The following SLC27A2 variants were observed in gnomAD, a reference collection of about 807,000 sequenced individuals.
The protein encoded by SLC27A2 is solute carrier family 27 member 2, also known as long-chain fatty acid transport protein 2.
In SLC27A2, 54 loss-of-function variants were observed where a neutral mutation model predicts 60.0. That is an observed-to-expected ratio of 0.90 (90% CI 0.72 to 1.13). The LOEUF (loss-of-function observed/expected upper bound fraction) is 1.13. SLC27A2 is among the 50% of genes most tolerant of loss of function. The pLI, the probability that SLC27A2 is intolerant of heterozygous loss-of-function variation, is 0.00. For missense variants in SLC27A2, 739 were observed against 777.6 expected (o/e 0.95, Z 0.59); for synonymous variants, 297 against 297.6 (o/e 1.00, Z 0.02).
chr15:50,191,961 G>A (rs1283417185), intron 1 of SLC27A2, among the ~76,000 whole-genome samples: 2 of 151,916 alleles, frequency 1.3e-5, no homozygotes, highest in African/African-American at 4.8e-5. Flanking sequence ...TCGGGAGGCT[G>A]AGGCAGGAGA....
At chr15:50,198,031 A>G (rs1204886348) in intron 2 of SLC27A2, among the ~76,000 whole-genome samples, 2 of 152,112 alleles carry the variant, frequency 1.3e-5, no homozygotes, top group African/African-American at 4.8e-5. Flanking sequence ...TATTTTGATT[A>G]TATTACATCC....
rs531026687 is a variant in SLC27A2, at chr15:50,185,621, C to CTTT, written c.478+2740_478+2742dup. On this transcript the variant is annotated intron_variant, in intron 1 of 9. Transcript: ENST00000267842. ...GCCCAAGAATCACCTAGGAAGCTTA[C>CTTT]TTTTTTTTTTTTTTTTTTTTTTTTT... is the stretch of plus-strand genomic sequence containing the variant. Among the ~76,000 whole-genome samples, 20 of 95,768 alleles carry CTTT rather than the reference C, an allele frequency of 2.1e-4. 2 individuals carry two copies. Among genetic ancestry groups the CTTT allele is most frequent in the African/African-American group, 6.6e-4 (14 of 21,152 alleles). The allele number at this position is 95,768 out of a possible 152,430, so 62.8% of individuals were successfully genotyped here. A position where few individuals can be genotyped will look rare whatever the true frequency, so the allele number is the denominator to read the frequency against.
intron 7 of SLC27A2, among the ~76,000 whole-genome samples, chr15:50,228,011 T>G (rs1002891478): frequency 1.3e-5 from 2 of 152,202 alleles, no homozygotes; most frequent in Non-Finnish European, 2.9e-5. Context: ...ATCTCTACTA[T>G]TCCATGTCTT....
rs142322071 is a variant in SLC27A2 at position 50,232,798 on chromosome 15, A to G, written c.1556-1070A>G. ...TGGTGCCACTGCCTCTCTCCCTCAGACAAGAAGCAAACCAAATGAGGGGGC... is the reference window on the plus strand; with the variant it reads ...TGGTGCCACTGCCTCTCTCCCTCAGGCAAGAAGCAAACCAAATGAGGGGGC... On this transcript the variant is annotated intron_variant, in intron 8 of 9. Transcript: ENST00000267842. 9.3e-3 allele frequency among the ~76,000 whole-genome samples: 1,421 copies of G among 152,312 alleles called. 25 individuals are homozygous for G. The highest frequency in any genetic ancestry group is 0.033 in the African/African-American group (1,379 of 41,560).
At chr15:50,234,645 T>C (rs912479488) in intron 9 of SLC27A2, among the ~76,000 whole-genome samples, 19 of 150,240 alleles carry the variant, frequency 1.3e-4, no homozygotes, top group Non-Finnish European at 1.9e-4. Context: ...TGTAGTCTCA[T>C]CTACGTGGGA....
intron 1 of SLC27A2, among the ~76,000 whole-genome samples, chr15:50,193,895 A>C (rs1309938719): frequency 6.6e-6 from 1 of 152,180 alleles, no homozygotes; most frequent in African/African-American, 2.4e-5. Context: ...ATGGTGGCTC[A>C]CACCTGTAAT....
chr15:50,226,124 G>T, intron 6 of SLC27A2, 46 bp downstream of exon 6: 1 of 1,214,394 alleles, frequency 8.2e-7, no homozygotes, highest in East Asian at 2.3e-5. Flanking sequence ...TTCTTATCTT[G>T]ATCAAGTGAC....
chr15:50,229,992 T>C (rs1305388744), intron 8 of SLC27A2, among the ~76,000 whole-genome samples: 1 of 152,044 alleles, frequency 6.6e-6, no homozygotes, highest in Non-Finnish European at 1.5e-5. Context: ...TCCCAGCACT[T>C]TGGGAGGCCG....
At chr15:50,230,227 C>G (rs1173508639) in intron 8 of SLC27A2, among the ~76,000 whole-genome samples, 1 of 128,272 alleles carries the variant, frequency 7.8e-6, no homozygotes, top group African/African-American at 3.0e-5. Flanking sequence ...GAGCAAGACT[C>G]TGTCTCACCA....
chr15:50,197,376 T>A, intron 1 of SLC27A2, 124 bp from the exon 2 acceptor site: 1 of 624,494 alleles, frequency 1.6e-6, no homozygotes, highest in Non-Finnish European at 2.8e-6. Context: ...AAGCATCATT[T>A]GTCATGCCCA....
chr15:50,203,422 A>G (rs2045082061), intron 3 of SLC27A2, among the ~76,000 whole-genome samples: 1 of 152,098 alleles, frequency 6.6e-6, no homozygotes, highest in Non-Finnish European at 1.5e-5. Context: ...TTTCCTTCTC[A>G]GACTTTACTA....
At chr15:50,231,316 T>C (rs2045315410) in intron 8 of SLC27A2, among the ~76,000 whole-genome samples, 1 of 151,826 alleles carries the variant, frequency 6.6e-6, no homozygotes, top group Non-Finnish European at 1.5e-5. Flanking sequence ...CCCGGCTAAT[T>C]TTGTATTTTT....
intron 1 of SLC27A2, 87 bp downstream of exon 1, chr15:50,182,992 G>A (rs2044879908): frequency 7.4e-7 from 1 of 1,354,026 alleles, no homozygotes; most frequent in African/African-American, 1.5e-5. Context: ...GGGGTTCGCA[G>A]AGGGAGGTTC....
intron 3 of SLC27A2, among the ~76,000 whole-genome samples, chr15:50,204,483 C>T (rs1053472256): frequency 7.3e-5 from 11 of 151,592 alleles, no homozygotes; most frequent in African/African-American, 2.7e-4. Flanking sequence ...CCTGTAATCT[C>T]AGCACTTTGG....
intron 9 of SLC27A2, 111 bp from the exon 10 acceptor site, chr15:50,235,809 C>G (rs987785289): frequency 2.8e-6 from 2 of 716,458 alleles, no homozygotes; most frequent in African/African-American, 3.6e-5. Context: ...CTCACATGAG[C>G]CAGGGATGCT....
chr15:50,202,967 G>T (rs1337271595), intron 3 of SLC27A2, among the ~76,000 whole-genome samples: 1 of 150,838 alleles, frequency 6.6e-6, no homozygotes, highest in Non-Finnish European at 1.5e-5. Flanking sequence ...ATTGCTTGAG[G>T]CCAGGAGTTC....
rs370840999 is a variant in SLC27A2, at chr15:50,184,865, T to C, written c.478+1960T>C. On this transcript the variant is annotated intron_variant, in intron 1 of 9. Coordinates refer to ENST00000267842, the MANE Select transcript of SLC27A2 (RefSeq NM_003645.4). ...AAACAGAATAAAAAAAAGACAAGTTTAAAGGTGGCTAAATTATTTGGAAGA... is the reference window on the plus strand; with the variant it reads ...AAACAGAATAAAAAAAAGACAAGTTCAAAGGTGGCTAAATTATTTGGAAGA... Among the ~76,000 whole-genome samples the C allele has an allele frequency of 1.6e-4, 25 of 152,170 alleles. No individual in the cohort carries two copies. In the East Asian group the frequency reaches 4.4e-3, roughly 27 times the overall value.
intron 1 of SLC27A2, among the ~76,000 whole-genome samples, chr15:50,183,733 T>C (rs1017922095): frequency 1.3e-5 from 2 of 152,198 alleles, no homozygotes; most frequent in African/African-American, 4.8e-5. Flanking sequence ...CAAGGGTTCC[T>C]TCTCTCAGTC....
intron 4 of SLC27A2, among the ~76,000 whole-genome samples, chr15:50,219,189 T>A (rs1404662088): frequency 6.6e-6 from 1 of 152,170 alleles, no homozygotes; most frequent in East Asian, 1.9e-4. Context: ...ATAGGAAATC[T>A]GAAATTGACG....
Sources: allele counts gnomAD v4.1 joint callset (sites outside exome capture counted in the v4.1 genomes callset), GRCh38; gene constraint gnomAD v4.1.1; transcripts MANE v1.5; gene names NCBI Gene and HGNC (gene_info 2026-07-23, HGNC 2026-07-21).